Variants in STAU1 observed in about 807,000 individuals in gnomAD.
The protein encoded by STAU1 is double-stranded RNA-binding protein Staufen homolog 1.
STAU1 carries 13 observed loss-of-function variants against 62.9 expected under a neutral mutation model. The ratio of observed to expected loss-of-function variants is 0.21; its 90% CI spans 0.13 to 0.33. The LOEUF (loss-of-function observed/expected upper bound fraction) is 0.33. Among genes scored for constraint, STAU1 ranks in the 10% least tolerant of loss-of-function variants. The probability of loss-of-function intolerance (pLI) is 1.00; values close to 1 mark genes in which losing one functional copy is unlikely to be tolerated. For missense variants in STAU1, 571 were observed against 712.1 expected, an observed-to-expected ratio of 0.80 and a Z score of 2.25; for synonymous variants, 269 against 265.1, an observed-to-expected ratio of 1.01 and a Z score of -0.14.
At chr20:49,163,858 G>A (rs890606651) in intron 3 of STAU1, among the ~76,000 whole-genome samples, 1 of 151,580 alleles carries the variant, frequency 6.6e-6, no homozygotes, top group Non-Finnish European at 1.5e-5. Flanking sequence ...TCAAACTTCT[G>A]GGCTCAAGCA....
chr20:49,120,876 C>A (rs1262228835), intron 8 of STAU1, among the ~76,000 whole-genome samples: 2 of 152,108 alleles, frequency 1.3e-5, no homozygotes, highest in Non-Finnish European at 2.9e-5. Flanking sequence ...CTCACTGCAA[C>A]CTCCACTTCC....
At chr20:49,149,938 G>A (rs1331628661) in intron 5 of STAU1, among the ~76,000 whole-genome samples, 1 of 152,200 alleles carries the variant, frequency 6.6e-6, no homozygotes, top group Non-Finnish European at 1.5e-5. Flanking sequence ...GTTCTGTGCA[G>A]GATCCTCCTG....
Position 49,123,143 on chromosome 20 carries a change from G to GTA in STAU1, c.913_914dup (p.Leu307ArgfsTer15). On this transcript the variant is annotated frameshift_variant, in exon 8 of 14. Transcript: ENST00000371856. LOFTEE classifies it high-confidence loss of function. ...GGAGGCCTCGCTCTGTGAGGAGCGT[G>GTA]TACTCTGGCTCCTTCTCCTTTTTTG... 1 of 1,614,100 alleles carries GTA rather than the reference G, an allele frequency of 6.2e-7. No homozygotes were observed. Among genetic ancestry groups the GTA allele is most frequent in the Non-Finnish European group, 8.5e-7 (1 of 1,179,986 alleles).
chr20:49,166,478 A>G (rs907280340), intron 2 of STAU1, among the ~76,000 whole-genome samples, 193 bp from the exon 3 acceptor site: 7 of 152,190 alleles, frequency 4.6e-5, no homozygotes. Flanking sequence ...ACTTTCCCAC[A>G]GTGTTTTTTA....
intron 5 of STAU1, among the ~76,000 whole-genome samples, chr20:49,136,594 T>C (rs988687506): frequency 6.6e-6 from 1 of 152,218 alleles, no homozygotes; most frequent in African/African-American, 2.4e-5. Flanking sequence ...GGAAGCCACA[T>C]TTTGGAAAAG....
chr20:49,149,251 A>AAC (rs34854738), intron 5 of STAU1, among the ~76,000 whole-genome samples: 31,616 of 131,596 alleles, frequency 0.24, 3,904 homozygotes, highest in Middle Eastern at 0.39. Context: ...ACTGTCTCAA[A>AAC]ACACACACAC....
chr20:49,183,938 T>A (rs568091472), intron 1 of STAU1, among the ~76,000 whole-genome samples: 1 of 152,208 alleles, frequency 6.6e-6, no homozygotes, highest in Admixed American at 6.5e-5. Context: ...ATGCCTTTTT[T>A]TTTTTTTTGA....
At chr20:49,119,311 C>T (rs1185755450) in intron 9 of STAU1, among the ~76,000 whole-genome samples, 3 of 152,054 alleles carry the variant, frequency 2.0e-5, no homozygotes, top group East Asian at 1.9e-4. Flanking sequence ...CCTTGTAGCT[C>T]GGGCTACAGG....
intron 4 of STAU1, 73 bp downstream of exon 4, chr20:49,153,860 G>T: frequency 6.9e-7 from 1 of 1,455,926 alleles, no homozygotes; most frequent in Non-Finnish European, 9.1e-7. Flanking sequence ...CAATCTAGAG[G>T]TACTGGTTTA....
chr20:49,166,616 T>C (rs942838105), intron 2 of STAU1, among the ~76,000 whole-genome samples: 3 of 152,192 alleles, frequency 2.0e-5, no homozygotes, highest in Non-Finnish European at 4.4e-5. Flanking sequence ...AATTTGAAAG[T>C]ATGGAGAGGT....
At chr20:49,146,073 C>T (rs2093124986) in intron 5 of STAU1, among the ~76,000 whole-genome samples, 1 of 152,020 alleles carries the variant, frequency 6.6e-6, no homozygotes, top group Non-Finnish European at 1.5e-5. Context: ...AGTTCGACAC[C>T]AGCCTGGGAA....
At chr20:49,191,371 C>G (rs1391768969), upstream of STAU1, among the ~76,000 whole-genome samples, 3 of 152,022 alleles carry the variant, frequency 2.0e-5, no homozygotes, top group Non-Finnish European at 2.9e-5. Flanking sequence ...AACTTTGCAC[C>G]CTTATAATTT....
chr20:49,150,193 T>C (rs2093218357), intron 5 of STAU1, among the ~76,000 whole-genome samples: 1 of 152,214 alleles, frequency 6.6e-6, no homozygotes, highest in Admixed American at 6.5e-5. Flanking sequence ...TGCTATTTAG[T>C]CACAAAAATG....
chr20:49,156,679 T>C (rs188712466), intron 3 of STAU1, among the ~76,000 whole-genome samples: 4 of 152,266 alleles, frequency 2.6e-5, no homozygotes, highest in African/African-American at 9.6e-5. Flanking sequence ...TTCCTAGAAA[T>C]GAAAAGTGTG....
intron 10 of STAU1, 102 bp from the exon 11 acceptor site, chr20:49,118,198 G>T (rs2092377560): frequency 1.4e-6 from 2 of 1,381,202 alleles, no homozygotes; most frequent in Admixed American, 1.8e-5. Flanking sequence ...GGCACGCATG[G>T]CAGCGCAGGG....
chr20:49,173,473 A>C (rs1319663590), intron 2 of STAU1, among the ~76,000 whole-genome samples: 2 of 152,206 alleles, frequency 1.3e-5, no homozygotes, highest in African/African-American at 4.8e-5. Flanking sequence ...AAAGAAAAGC[A>C]TTATACAAAT....
At chr20:49,143,916 G>A (rs760139143) in intron 5 of STAU1, among the ~76,000 whole-genome samples, 3 of 152,148 alleles carry the variant, frequency 2.0e-5, no homozygotes, top group Non-Finnish European at 4.4e-5. Context: ...ACCTGCAGCT[G>A]GGGCACAGCC....
chr20:49,121,057 C>T (rs936185786), intron 8 of STAU1, among the ~76,000 whole-genome samples: 1 of 151,642 alleles, frequency 6.6e-6, no homozygotes, highest in Non-Finnish European at 1.5e-5. Context: ...GGATTACAGG[C>T]GTAAGCCATC....
the STAU1 span, among the ~76,000 whole-genome samples, chr20:49,218,977 G>A: frequency 8.0e-6 from 1 of 124,700 alleles, no homozygotes; most frequent in African/African-American, 3.3e-5. Flanking sequence ...GATCTCCACT[G>A]CACCCCAGCC....
Sources: allele counts gnomAD v4.1 joint callset (sites outside exome capture counted in the v4.1 genomes callset), GRCh38; gene constraint gnomAD v4.1.1; transcripts MANE v1.5; gene names NCBI Gene and HGNC (gene_info 2026-07-23, HGNC 2026-07-21).